The following PTPRG variants were observed in gnomAD, a reference collection of about 807,000 sequenced individuals.
PTPRG encodes receptor-type tyrosine-protein phosphatase gamma.
Under a neutral mutation model 165.3 loss-of-function variants are expected in PTPRG, and 102 were observed. The ratio of observed to expected loss-of-function variants is 0.62; its 90% CI spans 0.53 to 0.73. The LOEUF (loss-of-function observed/expected upper bound fraction) is 0.73, where lower values mean the gene tolerates loss of function less well. Among genes scored for constraint, PTPRG ranks in the 30% least tolerant of loss-of-function variants. The probability of loss-of-function intolerance (pLI) is 0.00; values close to 1 mark genes in which losing one functional copy is unlikely to be tolerated. For missense variants in PTPRG, 1,866 were observed against 1,861.4 expected (o/e 1.00, Z -0.05); for synonymous variants, 675 against 669.5 (o/e 1.01, Z -0.13).
intron 4 of PTPRG, among the ~76,000 whole-genome samples, chr3:62,046,928 A>T (rs1700311181): frequency 6.6e-6 from 1 of 152,178 alleles, no homozygotes; most frequent in Non-Finnish European, 1.5e-5. Flanking sequence ...TGAGCTAATT[A>T]TGAACATTAT....
At chr3:62,004,270 G>C (rs2041239980) in intron 4 of PTPRG, among the ~76,000 whole-genome samples, 1 of 152,156 alleles carries the variant, frequency 6.6e-6, no homozygotes, top group Non-Finnish European at 1.5e-5. Flanking sequence ...CATGTGGTAA[G>C]CCTTAGAAGT....
At chr3:61,767,240 C>CAAAA (rs71100976) in intron 2 of PTPRG, among the ~76,000 whole-genome samples, 1 of 111,528 alleles carries the variant, frequency 9.0e-6, no homozygotes, top group East Asian at 3.2e-4. Flanking sequence ...GATTCCATCT[C>CAAAA]AAAAAAAAAA....
rs143990265 is a variant in PTPRG, at chr3:61,724,352, T to G, written c.86-24526T>G. Among the ~76,000 whole-genome samples the G allele has an allele frequency of 4.3e-3, 659 of 152,270 alleles. 1 individual carries two copies. The highest frequency in any genetic ancestry group is 6.7e-3 in the Non-Finnish European group (459 of 68,016). On this transcript the variant is annotated intron_variant, in intron 1 of 29. Coordinates refer to ENST00000474889, the MANE Select transcript of PTPRG (RefSeq NM_002841.4). ...TGCTTGGCCTTATTGTAAAGTAGTA[T>G]TCTGTGGCATGGATGCACCACAGTT...
chr3:62,135,531 AT>A (rs948047797), intron 6 of PTPRG, among the ~76,000 whole-genome samples: 7 of 151,812 alleles, frequency 4.6e-5, no homozygotes, highest in African/African-American at 7.2e-5. Context: ...TTTCTCATTA[AT>A]TTTTTTTTAA....
intron 5 of PTPRG, among the ~76,000 whole-genome samples, chr3:62,130,428 T>C (rs9866210): frequency 0.044 from 6,649 of 152,274 alleles, 381 homozygotes; most frequent in African/African-American, 0.13. Context: ...GTGTACACTT[T>C]CCATAGAGGA....
intron 5 of PTPRG, among the ~76,000 whole-genome samples, chr3:62,119,003 A>G (rs1475004386): frequency 6.6e-6 from 1 of 152,248 alleles, no homozygotes; most frequent in Non-Finnish European, 1.5e-5. Context: ...ACATCTTGTT[A>G]GCACCAGCTC....
At chr3:62,018,456 T>C (rs80195580) in intron 4 of PTPRG, among the ~76,000 whole-genome samples, 1,918 of 152,260 alleles carry the variant, frequency 0.013, 47 homozygotes, top group East Asian at 0.091. Context: ...TGGAGTCAAA[T>C]AATAGATGAT....
chr3:62,020,852 T>TTG (rs1274632946), intron 4 of PTPRG, among the ~76,000 whole-genome samples: 2 of 151,654 alleles, frequency 1.3e-5, no homozygotes, highest in Non-Finnish European at 2.9e-5. Context: ...TTTGTTTTTT[T>TTG]TTTTTGGATA....
chr3:62,096,385 C>A (rs986266996), intron 5 of PTPRG, among the ~76,000 whole-genome samples: 2 of 152,122 alleles, frequency 1.3e-5, no homozygotes, highest in Non-Finnish European at 2.9e-5. Context: ...TTTTTCTGAG[C>A]TCACTTTTTG....
At chr3:62,188,318 T>C (rs899936658) in intron 8 of PTPRG, among the ~76,000 whole-genome samples, 2 of 152,128 alleles carry the variant, frequency 1.3e-5, no homozygotes, top group Non-Finnish European at 2.9e-5. Context: ...GAAGCTGCAG[T>C]GAGCCATGAT....
chr3:62,145,752 C>T (rs900397906), intron 6 of PTPRG, among the ~76,000 whole-genome samples: 3 of 152,118 alleles, frequency 2.0e-5, no homozygotes, highest in Non-Finnish European at 4.4e-5. Context: ...ATCAGCAACA[C>T]GTTGAGGTAA....
intron 2 of PTPRG, among the ~76,000 whole-genome samples, chr3:61,833,461 C>T (rs1376821888): frequency 6.6e-6 from 1 of 152,136 alleles, no homozygotes; most frequent in African/African-American, 2.4e-5. Flanking sequence ...AAGCGAGAGT[C>T]CCTGCGAGGA....
chr3:62,170,370 G>T (rs1705170732), intron 8 of PTPRG, among the ~76,000 whole-genome samples: 1 of 152,260 alleles, frequency 6.6e-6, no homozygotes, highest in Admixed American at 6.5e-5. Context: ...GATTGGGGGG[G>T]TGAGGAATTC....
intron 2 of PTPRG, among the ~76,000 whole-genome samples, chr3:61,887,051 C>G (rs1420416011): frequency 7.2e-6 from 1 of 138,380 alleles, no homozygotes; most frequent in Admixed American, 7.5e-5. Context: ...GAGGAAACAT[C>G]TCTTATTTTC....
At chr3:61,602,694 C>T (rs971595832) in intron 1 of PTPRG, among the ~76,000 whole-genome samples, 11 of 152,182 alleles carry the variant, frequency 7.2e-5, no homozygotes, top group African/African-American at 2.7e-4. Flanking sequence ...CCCATGCTTG[C>T]AGGGCCAGGC....
At chr3:61,817,461 C>A (rs565790247) in intron 2 of PTPRG, among the ~76,000 whole-genome samples, 2 of 151,702 alleles carry the variant, frequency 1.3e-5, no homozygotes, top group South Asian at 4.2e-4. Context: ...TCAATGAATT[C>A]TGAGAAGAAA....
At chr3:62,242,701 T>C (rs551939543) in intron 14 of PTPRG, among the ~76,000 whole-genome samples, 2 of 152,258 alleles carry the variant, frequency 1.3e-5, no homozygotes, top group South Asian at 4.1e-4. Flanking sequence ...TTTGGCCTCA[T>C]AGAAACAGGG....
At chr3:62,086,773 G>C (rs540347426) in intron 5 of PTPRG, among the ~76,000 whole-genome samples, 2 of 152,258 alleles carry the variant, frequency 1.3e-5, no homozygotes, top group African/African-American at 4.8e-5. Flanking sequence ...TTACCATTAA[G>C]TGAAGGCCAG....
At chr3:61,842,819 G>A (rs376795032) in intron 2 of PTPRG, among the ~76,000 whole-genome samples, 2 of 152,198 alleles carry the variant, frequency 1.3e-5, no homozygotes, top group African/African-American at 4.8e-5. Context: ...AAGGAGACTT[G>A]GTCCCTGAAT....
Sources: allele counts gnomAD v4.1 joint callset (sites outside exome capture counted in the v4.1 genomes callset), GRCh38; gene constraint gnomAD v4.1.1; transcripts MANE v1.5; gene names NCBI Gene and HGNC (gene_info 2026-07-23, HGNC 2026-07-21).